Variants in NCKAP5 observed in about 807,000 individuals in gnomAD.
NCKAP5 encodes the protein nck-associated protein 5.
Under a neutral mutation model 167.0 loss-of-function variants are expected in NCKAP5, and 92 were observed. That is an observed-to-expected ratio of 0.55 (90% CI 0.47 to 0.66). The LOEUF is 0.66. Ranked by LOEUF, NCKAP5 falls within the 30% of genes least tolerant of loss-of-function variation. The probability of loss-of-function intolerance (pLI) is 0.00; values close to 1 mark genes in which losing one functional copy is unlikely to be tolerated. For missense variants in NCKAP5, 2,378 were observed against 2,315.0 expected (o/e 1.03, Z -0.56); for synonymous variants, 891 against 877.4 (o/e 1.02, Z -0.27).
rs1263894593 is a variant in NCKAP5 at position 133,413,830 on chromosome 2, C to T, written c.69+103628G>A. On this transcript the variant is annotated intron_variant, in intron 3 of 19. Coordinates refer to ENST00000409261, the MANE Select transcript of NCKAP5 (RefSeq NM_207363.3). ...TCATTTTGCCCCCTTCTCCATCCAGCCTGCTTCACTATTTATGTTATTTGT... is the reference window on the plus strand; with the variant it reads ...TCATTTTGCCCCCTTCTCCATCCAGTCTGCTTCACTATTTATGTTATTTGT... Among the ~76,000 whole-genome samples, 6 of 152,164 alleles carry T rather than the reference C, an allele frequency of 3.9e-5. No homozygotes were observed. In the East Asian group the frequency reaches 1.2e-3, roughly 29 times the overall value.
chr2:133,093,525 T>G (rs1040127648), intron 6 of NCKAP5, among the ~76,000 whole-genome samples: 1 of 152,194 alleles, frequency 6.6e-6, no homozygotes, highest in Non-Finnish European at 1.5e-5. Flanking sequence ...CAAACCCTTC[T>G]CTCTGCAAGG....
chr2:133,213,798 A>G lies in NCKAP5; in HGVS notation c.144-19T>C. 6.2e-7 allele frequency: 1 copy of G among 1,613,208 alleles called. No individual in the cohort carries two copies. The highest frequency in any genetic ancestry group is 8.5e-7 in the Non-Finnish European group (1 of 1,179,368). On this transcript the variant is annotated intron_variant, in intron 4 of 19. Transcript: ENST00000409261. Reference sequence around the variant, plus strand: ...CTTCTCCCTGAAGAAACAAAAACACATGATTAGTTGACCATTCTCAGGGTA... The same window carrying G: ...CTTCTCCCTGAAGAAACAAAAACACGTGATTAGTTGACCATTCTCAGGGTA...
intron 11 of NCKAP5, among the ~76,000 whole-genome samples, chr2:132,805,854 T>C: frequency 6.6e-6 from 1 of 152,130 alleles, no homozygotes; most frequent in East Asian, 1.9e-4. Flanking sequence ...TGGTGATTTC[T>C]GAGAATTTGG....
chr2:133,177,936 G>C (rs938114768), intron 5 of NCKAP5, among the ~76,000 whole-genome samples: 2 of 152,206 alleles, frequency 1.3e-5, no homozygotes, highest in Non-Finnish European at 2.9e-5. Context: ...TGAGTGGCAA[G>C]GAGGCTGCCT....
chr2:133,625,870 C>CA, the NCKAP5 span, among the ~76,000 whole-genome samples: 28,172 of 88,662 alleles, frequency 0.32, 3,115 homozygotes, highest in African/African-American at 0.38. Flanking sequence ...AGACTTGTCT[C>CA]AAAAAAAAAA....
chr2:132,751,295 TG>T (rs1680091801), intron 16 of NCKAP5, among the ~76,000 whole-genome samples: 1 of 152,168 alleles, frequency 6.6e-6, no homozygotes, highest in Non-Finnish European at 1.5e-5. Context: ...TCTCTTGCCA[TG>T]TGGTGCCTGC....
chr2:133,635,216 G>C, the NCKAP5 span, among the ~76,000 whole-genome samples: 1 of 152,126 alleles, frequency 6.6e-6, no homozygotes, highest in African/African-American at 2.4e-5. Context: ...GCAGACAGAG[G>C]AAAAGGAAGG....
intron 15 of NCKAP5, among the ~76,000 whole-genome samples, chr2:132,779,612 A>G (rs997437407): frequency 1.3e-5 from 2 of 152,130 alleles, no homozygotes; most frequent in African/African-American, 4.8e-5. Flanking sequence ...AAAAAAAAAA[A>G]AAAACTTTTG....
At chr2:132,840,613 A>G (rs767046409) in intron 11 of NCKAP5, among the ~76,000 whole-genome samples, 3 of 152,084 alleles carry the variant, frequency 2.0e-5, no homozygotes, top group Non-Finnish European at 4.4e-5. Flanking sequence ...GGAATACTTG[A>G]GCTCACCACA....
chr2:133,630,875 T>C, the NCKAP5 span, among the ~76,000 whole-genome samples: 1 of 152,186 alleles, frequency 6.6e-6, no homozygotes, highest in Non-Finnish European at 1.5e-5. Context: ...GAAAGCACAA[T>C]TGTTATTTTA....
At chr2:133,347,288 T>C (rs1684044046) in intron 3 of NCKAP5, among the ~76,000 whole-genome samples, 2 of 152,162 alleles carry the variant, frequency 1.3e-5, no homozygotes, top group South Asian at 4.1e-4. Flanking sequence ...GCACGGTGGC[T>C]CACACCTGTA....
At chr2:132,976,195 G>T (rs747645112) in intron 7 of NCKAP5, among the ~76,000 whole-genome samples, 7 of 152,126 alleles carry the variant, frequency 4.6e-5, no homozygotes, top group Non-Finnish European at 8.8e-5. Flanking sequence ...CAGAATCAGA[G>T]AGTAGACTAG....
intron 3 of NCKAP5, among the ~76,000 whole-genome samples, chr2:133,314,027 G>A (rs1313449788): frequency 6.6e-6 from 1 of 152,068 alleles, no homozygotes; most frequent in Non-Finnish European, 1.5e-5. Flanking sequence ...ACTGGATCAC[G>A]GACTGCCATT....
At chr2:132,771,654 T>C (rs1191619142) in intron 16 of NCKAP5, among the ~76,000 whole-genome samples, 3 of 151,150 alleles carry the variant, frequency 2.0e-5, no homozygotes, top group Admixed American at 6.6e-5. Flanking sequence ...ACAGGTATAT[T>C]GTTGTTTATC....
chr2:133,350,513 A>G (rs1472689390), intron 3 of NCKAP5, among the ~76,000 whole-genome samples: 1 of 152,202 alleles, frequency 6.6e-6, no homozygotes, highest in Non-Finnish European at 1.5e-5. Flanking sequence ...CATCACTCTT[A>G]GAATAAGGAC....
chr2:133,530,712 A>G (rs894249729), intron 2 of NCKAP5, among the ~76,000 whole-genome samples: 1 of 152,178 alleles, frequency 6.6e-6, no homozygotes, highest in Non-Finnish European at 1.5e-5. Context: ...CCTTTTGACC[A>G]ATAGAATGTG....
chr2:132,784,406 T>A lies in NCKAP5; in HGVS notation c.2405A>T (p.Lys802Ile). Residue 802 changes from lysine (K) to isoleucine (I), a missense_variant, in exon 14 of 20, where the codon AAA becomes ATA. By Grantham distance (102) the Lys-to-Ile change is moderately radical. Around this residue, in one of 3 missense-constraint regions of NCKAP5, gnomAD observed 1,049 missense variants for 1,023.4 expected, o/e 1.02. Coordinates refer to ENST00000409261, the MANE Select transcript of NCKAP5 (RefSeq NM_207363.3). ...TGAAGACTTGCCCCTGGGAGGTATTTTTGTCAGATTTTGCTTTTGATAGAT... is the reference window on the plus strand; with the variant it reads ...TGAAGACTTGCCCCTGGGAGGTATTATTGTCAGATTTTGCTTTTGATAGAT... ...MGIYQKQNLTKIPPRGKSSPQ... is the reference protein window; with the variant it reads ...MGIYQKQNLTIIPPRGKSSPQ... The A allele has an allele frequency of 1.2e-6, 2 of 1,613,186 alleles. No homozygotes were observed. Among genetic ancestry groups the A allele is most frequent in the Non-Finnish European group, 1.7e-6 (2 of 1,179,660 alleles).
At chr2:132,722,074 A>G (rs1415808488) in intron 19 of NCKAP5, among the ~76,000 whole-genome samples, 1 of 152,252 alleles carries the variant, frequency 6.6e-6, no homozygotes, top group African/African-American at 2.4e-5. Context: ...AACTTCAAGC[A>G]GTAAATTTAC....
chr2:132,943,359 C>T (rs1697445126), intron 8 of NCKAP5, among the ~76,000 whole-genome samples: 2 of 152,164 alleles, frequency 1.3e-5, no homozygotes, highest in African/African-American at 4.8e-5. Flanking sequence ...TTTTAACATA[C>T]CTTGTCAAAA....
Sources: gnomAD v4.1 joint callset for allele counts (sites outside exome capture counted in the v4.1 genomes callset) on GRCh38, gnomAD v4.1.1 for gene constraint, gnomAD v4.1.1 regional missense constraint, MANE v1.5 for transcripts, NCBI Gene and HGNC (gene_info 2026-07-23, HGNC 2026-07-21) for gene names.